The following SEC14L5 variants were observed in gnomAD, a reference collection of about 807,000 sequenced individuals.
SEC14L5 encodes the protein SEC14-like protein 5.
In SEC14L5, 96 loss-of-function variants were observed where a neutral mutation model predicts 84.6. The observed-to-expected ratio is 1.13, with a 90% CI of 0.96 to 1.34. The LOEUF (loss-of-function observed/expected upper bound fraction) is 1.34. Ranked by LOEUF, SEC14L5 falls within the 40% of genes most tolerant of loss-of-function variation. SEC14L5 has a pLI of 0.00. For missense variants in SEC14L5, 1,224 were observed against 942.5 expected (o/e 1.30, Z -3.91); for synonymous variants, 546 against 383.4 (o/e 1.42, Z -4.95).
intron 2 of SEC14L5, among the ~76,000 whole-genome samples, chr16:4,984,155 G>A (rs1296239156): frequency 6.6e-6 from 1 of 152,134 alleles, no homozygotes; most frequent in Non-Finnish European, 1.5e-5. Context: ...AGCTCTGTCT[G>A]CCTTAACCCT....
At chr16:4,964,045 A>G (rs1955162999) in intron 2 of SEC14L5, among the ~76,000 whole-genome samples, 1 of 152,196 alleles carries the variant, frequency 6.6e-6, no homozygotes, top group South Asian at 2.1e-4. Flanking sequence ...AGCTTTTATT[A>G]TCTTGGTAAA....
Position 5,008,630 on chromosome 16 carries a change from G to C in SEC14L5, c.1782G>C (p.Arg594=), listed in dbSNP as rs369437630. 5.6e-6 allele frequency: 9 copies of C among 1,606,562 alleles called. No homozygotes were observed. The African/African-American group carries it at 1.1e-4, about 19-fold the overall frequency. Residue 594 remains arginine (R), a synonymous_variant, in exon 14 of 16, where the codon CGG becomes CGC. Transcript: ENST00000251170. The part of the protein sequence containing the change: ...YSRVEAPLVC[R]EGESIQGSHV... ...GTGTGGAGGCTCCCCTTGTCTGCCGGGAGGGGGAGAGCATCCAGGTTTGCA... is the reference window on the plus strand; with the variant it reads ...GTGTGGAGGCTCCCCTTGTCTGCCGCGAGGGGGAGAGCATCCAGGTTTGCA...
intron 14 of SEC14L5, 57 bp downstream of exon 14, chr16:5,008,705 G>C (rs527286763): frequency 6.8e-7 from 1 of 1,462,568 alleles, no homozygotes; most frequent in Admixed American, 1.9e-5. Context: ...TGTCCACTGC[G>C]TGCCAGGCTT....
intron 1 of SEC14L5, among the ~76,000 whole-genome samples, 192 bp downstream of exon 1, chr16:4,958,637 C>G (rs1401656240): frequency 6.6e-6 from 1 of 152,022 alleles, no homozygotes; most frequent in Non-Finnish European, 1.5e-5. Context: ...CATGTGCGCA[C>G]GGGTGTGTGT....
At chr16:4,989,335 T>TTTG in intron 4 of SEC14L5, among the ~76,000 whole-genome samples, 1 of 145,954 alleles carries the variant, frequency 6.9e-6, no homozygotes, top group Non-Finnish European at 1.5e-5. Context: ...TTGTTTTTTT[T>TTTG]TTTGTTTGTT....
At chr16:4,996,506 C>G (rs768855884) in intron 7 of SEC14L5, 46 bp downstream of exon 7, 6 of 1,013,774 alleles carry the variant, frequency 5.9e-6, no homozygotes, top group African/African-American at 1.6e-5. Flanking sequence ...TGGGCAATGA[C>G]TGGTACTCAG....
Position 4,995,833 on chromosome 16 carries a change from C to T in SEC14L5, c.668-515C>T, listed in dbSNP as rs969362627. On this transcript the variant is annotated intron_variant, in intron 6 of 15. Transcript: ENST00000251170. Reference sequence around the variant, plus strand: ...TAGAGACTGGGTTTCACCATGTTGGCCAGGCTGGTCCCAAAATCCTGACTT... The same window carrying T: ...TAGAGACTGGGTTTCACCATGTTGGTCAGGCTGGTCCCAAAATCCTGACTT... 7.9e-5 allele frequency among the ~76,000 whole-genome samples: 12 copies of T among 152,166 alleles called. No homozygotes were observed. The South Asian group carries it at 8.3e-4, about 11-fold the overall frequency.
rs1237049714 is a variant in SEC14L5, at chr16:5,005,986, G to T, written c.1375G>T (p.Gly459Ter). 18 of 1,613,558 alleles carry T rather than the reference G, an allele frequency of 1.1e-5. No individual in the cohort carries two copies. The highest frequency in any genetic ancestry group is 1.4e-5 in the Non-Finnish European group (17 of 1,179,756). Residue 459 changes from glycine to a stop codon, truncating the protein, a stop_gained, in exon 12 of 16, where the codon GGA becomes TGA. Transcript: ENST00000251170. LOFTEE classifies it high-confidence loss of function. Reference sequence around the variant, plus strand: ...CAGTGGCAGCAACTACCAGGGACCCGGAGGCCTTGTGGACTATCTGGATAG... The same window carrying T: ...CAGTGGCAGCAACTACCAGGGACCCTGAGGCCTTGTGGACTATCTGGATAG... ...IYSGSNYQGP[G>*]GLVDYLDREV...
chr16:4,964,525 A>C (rs1955169712), intron 2 of SEC14L5, among the ~76,000 whole-genome samples: 1 of 151,972 alleles, frequency 6.6e-6, no homozygotes. Flanking sequence ...GACAGGTTGC[A>C]GGGAGCCGAG....
chr16:4,965,549 T>C (rs1313811397), intron 2 of SEC14L5, among the ~76,000 whole-genome samples: 2 of 148,210 alleles, frequency 1.3e-5, no homozygotes, highest in East Asian at 2.0e-4. Flanking sequence ...TAGTCCCAGC[T>C]ACTCGGGAGG....
At chr16:4,992,135 C>A (rs548934292) in intron 6 of SEC14L5, 105 bp downstream of exon 6, 8 of 768,728 alleles carry the variant, frequency 1.0e-5, no homozygotes, top group South Asian at 2.0e-5. Context: ...TGCCGTCCCC[C>A]CTGGGAATGG....
At chr16:4,986,766 C>G (rs1298293573) in intron 2 of SEC14L5, among the ~76,000 whole-genome samples, 1 of 151,944 alleles carries the variant, frequency 6.6e-6, no homozygotes. Flanking sequence ...TGAATATATT[C>G]CTAAGTATTT....
chr16:4,987,651 A>G lies in SEC14L5; in HGVS notation c.158A>G (p.His53Arg). ...RESRSPDGAV[H>R]VVERSCRLRV... ...TCCCGCAGCCCGGACGGGGCTGTGC[A>G]CGTGGTGGAGCGGAGCTGCCGGCTG... The change falls in exon 3 of 16, where the codon CAC (histidine) becomes CGC (arginine). Residue 53 changes from histidine to arginine, a missense_variant. Transcript: ENST00000251170. The G allele has an allele frequency of 6.4e-7, 1 of 1,552,516 alleles. No individual in the cohort carries two copies.
At chr16:4,992,052 A>T in intron 6 of SEC14L5, 22 bp downstream of exon 6, 1 of 1,499,052 alleles carries the variant, frequency 6.7e-7, no homozygotes, top group Admixed American at 2.2e-5. Flanking sequence ...AGCCCAGGCC[A>T]GTCAGCCCTA....
chr16:4,969,305 T>C (rs576044886), intron 2 of SEC14L5, among the ~76,000 whole-genome samples: 2 of 152,374 alleles, frequency 1.3e-5, no homozygotes, highest in South Asian at 2.1e-4. Flanking sequence ...TTTTGCTGTG[T>C]GCCGAAGGCT....
At chr16:5,013,216 C>T (rs141117836) in intron 15 of SEC14L5, among the ~76,000 whole-genome samples, 1 of 152,196 alleles carries the variant, frequency 6.6e-6, no homozygotes, top group African/African-American at 2.4e-5. Flanking sequence ...AGAGCCAAAC[C>T]GTATCAGCCA....
chr16:4,986,181 C>A (rs1015673422), intron 2 of SEC14L5, among the ~76,000 whole-genome samples: 2 of 151,844 alleles, frequency 1.3e-5, no homozygotes, highest in Non-Finnish European at 2.9e-5. Flanking sequence ...CTCTTGTCGC[C>A]CAGACTGGAG....
chr16:4,964,565 C>G (rs1479834994), intron 2 of SEC14L5, among the ~76,000 whole-genome samples: 2 of 152,084 alleles, frequency 1.3e-5, no homozygotes, highest in South Asian at 4.2e-4. Flanking sequence ...GCCTGGGTGA[C>G]AGAGTGTGAC....
At position 5,006,011 on chromosome 16, in the gene SEC14L5, G is replaced by C. The variant is rs1347238599; in HGVS notation, c.1400G>C (p.Arg467Thr). 3 of 1,613,834 alleles carry C rather than the reference G, an allele frequency of 1.9e-6. No individual in the cohort carries two copies. The African/African-American group carries it at 4.0e-5, about 22-fold the overall frequency. Residue 467 changes from arginine (R) to threonine (T), a missense_variant, in exon 12 of 16, where the codon AGA (arginine) becomes ACA (threonine). Coordinates refer to ENST00000251170, the MANE Select transcript of SEC14L5 (RefSeq NM_014692.2). ...GPGGLVDYLD[R>T]EVIPDFLGGE... is the part of the protein sequence containing the mutation. ...GGAGGCCTTGTGGACTATCTGGATA[G>C]AGAAGTGATCCCTGACTTCCTTGGG...
Sources: allele counts gnomAD v4.1 joint callset (sites outside exome capture counted in the v4.1 genomes callset), GRCh38; gene constraint gnomAD v4.1.1; transcripts MANE v1.5; gene names NCBI Gene and HGNC (gene_info 2026-07-23, HGNC 2026-07-21).